Variants in TMEM67 observed in about 807,000 individuals in gnomAD.
TMEM67 encodes transmembrane protein 67, also known as meckelin.
Under a neutral mutation model 136.6 loss-of-function variants are expected in TMEM67, and 124 were observed. The observed-to-expected ratio is 0.91, with a 90% CI of 0.78 to 1.05. TMEM67 has a LOEUF of 1.05. TMEM67 is among the 50% of genes least tolerant of loss of function. The pLI is 0.00. For missense variants in TMEM67, 1,107 were observed against 1,178.4 expected (o/e 0.94, Z 0.89); for synonymous variants, 364 against 390.5 (o/e 0.93, Z 0.80).
intron 9 of TMEM67, among the ~76,000 whole-genome samples, chr8:93,781,297 A>T (rs1813815599): frequency 6.6e-6 from 1 of 152,218 alleles, no homozygotes; most frequent in African/African-American, 2.4e-5. Context: ...CCAAAGATTG[A>T]TTGGGGCTCT....
At chr8:93,793,357 A>C in intron 16 of TMEM67, 61 bp downstream of exon 16, 404 of 1,346,494 alleles carry the variant, frequency 3.0e-4, no homozygotes, top group Non-Finnish European at 3.9e-4. Context: ...GATCCTTCTC[A>C]TAAGACACAG....
chr8:93,818,775 G>A (rs550678968), downstream of TMEM67, among the ~76,000 whole-genome samples: 12 of 152,246 alleles, frequency 7.9e-5, no homozygotes, highest in Admixed American at 6.5e-4. Flanking sequence ...ACCACTTGTT[G>A]TAAGGATTAG....
intron 2 of TMEM67, 34 bp downstream of exon 2, chr8:93,755,900 T>A: frequency 8.9e-7 from 1 of 1,128,094 alleles, no homozygotes. Flanking sequence ...AACTTACCTG[T>A]AAAAAGTAGT....
In TMEM67 at chr8:93,797,215, G is replaced by T. The variant is rs764882441; in HGVS notation, c.1942G>T (p.Val648Phe). The T allele has an allele frequency of 3.1e-6, 5 of 1,612,934 alleles. No individual in the cohort carries two copies. The Admixed American group carries it at 8.3e-5, about 27-fold the overall frequency. Residue 648 changes from valine (V) to phenylalanine (F), a missense_variant, in exon 19 of 28, where the codon GTT (valine) becomes TTT (phenylalanine). Coordinates refer to ENST00000453321, the MANE Select transcript of TMEM67 (RefSeq NM_153704.6). Reference protein sequence around the residue: ...FIDWERPKGKVLKAVEGEGGV... With the variant: ...FIDWERPKGKFLKAVEGEGGV... The stretch of plus-strand genomic sequence containing the variant: ...TGATTGGGAGCGACCTAAAGGAAAG[G>T]TTCTTAAAGCTGTTGAAGGTAACTG...
intron 11 of TMEM67, 148 bp from the exon 12 acceptor site, chr8:93,785,074 A>T (rs573569051): frequency 3.1e-6 from 2 of 638,320 alleles, no homozygotes; most frequent in East Asian, 5.3e-5. Flanking sequence ...ACAAGGTAGT[A>T]TAAAGACATT....
rs528087809 is a variant in TMEM67 at position 93,810,490 on chromosome 8, G to A, written c.2764+603G>A. ...AGTTACTTGGGAGGCTGAGGCAGGA[G>A]AATGGCTTGAACCTGGGAGGCAGAG... On this transcript the variant is annotated intron_variant, in intron 26 of 27. Coordinates refer to ENST00000453321, the MANE Select transcript of TMEM67 (RefSeq NM_153704.6). 2.0e-5 allele frequency among the ~76,000 whole-genome samples: 3 copies of A among 152,124 alleles called. No individual in the cohort carries two copies. In the East Asian group the frequency reaches 5.9e-4, roughly 30 times the overall value.
chr8:93,832,197 G>A, the TMEM67 span, among the ~76,000 whole-genome samples: 1 of 152,184 alleles, frequency 6.6e-6, no homozygotes, highest in Admixed American at 6.5e-5. Flanking sequence ...AGAAGGAGGA[G>A]CTCAGTGAGA....
At chr8:93,772,557 C>T (rs778789032) in intron 6 of TMEM67, 32 bp from the exon 7 acceptor site, 1 of 1,567,838 alleles carries the variant, frequency 6.4e-7, no homozygotes, top group Non-Finnish European at 8.8e-7. Context: ...GTCATTTGAA[C>T]TTAAAAATAA....
chr8:93,807,175 A>C lies in TMEM67; in HGVS notation c.2440-1665A>C, dbSNP rs542611469. 3.3e-5 allele frequency among the ~76,000 whole-genome samples: 5 copies of C among 152,276 alleles called. No homozygotes were observed. In the South Asian group the frequency reaches 1.0e-3, roughly 32 times the overall value. On this transcript the variant is annotated intron_variant, in intron 23 of 27. Coordinates refer to ENST00000453321, the MANE Select transcript of TMEM67 (RefSeq NM_153704.6). ...CAGTGAAATGGGCAACCACAAAGCT[A>C]CTGGTGGCAGGTTGAATTTATGCAG...
chr8:93,802,110 A>T (rs554100022), intron 21 of TMEM67, among the ~76,000 whole-genome samples: 1 of 152,326 alleles, frequency 6.6e-6, no homozygotes, highest in East Asian at 1.9e-4. Context: ...TTCCCATGAA[A>T]AAGATAAGCA....
intron 21 of TMEM67, among the ~76,000 whole-genome samples, chr8:93,800,907 C>A (rs939039961): frequency 6.6e-6 from 1 of 151,476 alleles, no homozygotes. Flanking sequence ...TGCTCGTACC[C>A]CTTGTGGAGT....
At chr8:93,773,290 G>A (rs1024832911) in intron 7 of TMEM67, among the ~76,000 whole-genome samples, 2 of 152,184 alleles carry the variant, frequency 1.3e-5, no homozygotes, top group African/African-American at 4.8e-5. Context: ...AGTGAGCAGG[G>A]AAAGTGGAGT....
At chr8:93,814,341 G>A (rs1447458435) in intron 26 of TMEM67, among the ~76,000 whole-genome samples, 9 of 150,832 alleles carry the variant, frequency 6.0e-5, no homozygotes, top group East Asian at 2.0e-4. Context: ...GGGTTTCACC[G>A]TGTTAGCCAG....
chr8:93,815,184 T>C (rs1189554707), intron 26 of TMEM67, 121 bp from the exon 27 acceptor site: 2 of 633,158 alleles, frequency 3.2e-6, no homozygotes, highest in Non-Finnish European at 5.3e-6. Flanking sequence ...CCATGAAGTA[T>C]TGTATACAGT....
At position 93,815,367 on chromosome 8, in the gene TMEM67, G is replaced by T. The variant is rs2130799791; in HGVS notation, c.2827G>T (p.Asp943Tyr). 3 of 1,611,706 alleles carry T rather than the reference G, an allele frequency of 1.9e-6. No individual in the cohort carries two copies. The highest frequency in any genetic ancestry group is 2.5e-6 in the Non-Finnish European group (3 of 1,178,614). ...AAATGAAGCTACTCTTCTTATTTTT[G>T]ATCTGCTGTTCTTCTGTGTTGTGGA... Reference protein sequence around the residue: ...YGNEATLLIFDLLFFCVVDLA... With the variant: ...YGNEATLLIFYLLFFCVVDLA... Residue 943 changes from aspartate (D) to tyrosine (Y), a missense_variant, in exon 27 of 28, where the codon GAT becomes TAT. Transcript: ENST00000453321.
Position 93,782,360 on chromosome 8 carries a change from T to C in TMEM67, c.1066-35T>C, listed in dbSNP as rs912576881. On this transcript the variant is annotated intron_variant, in intron 10 of 27. Coordinates refer to ENST00000453321, the MANE Select transcript of TMEM67 (RefSeq NM_153704.6). ...TCTTGAGTATAAGAATAGAAAACAT[T>C]TGTGAGATTTATCTGTTGTATTATT... 4 of 1,542,260 alleles carry C rather than the reference T, an allele frequency of 2.6e-6. No individual in the cohort carries two copies. The Admixed American group carries it at 6.7e-5, about 26-fold the overall frequency.
At chr8:93,781,134 G>T in intron 9 of TMEM67, 152 bp downstream of exon 9, 1 of 651,038 alleles carries the variant, frequency 1.5e-6, no homozygotes, top group Non-Finnish European at 2.7e-6. Context: ...GAACTAAATA[G>T]TATAGAGTTT....
At chr8:93,818,977 A>G (rs1563488824), downstream of TMEM67, 2 of 403,886 alleles carry the variant, frequency 5.0e-6, no homozygotes, top group Admixed American at 3.5e-5. Context: ...AATTTTTTGT[A>G]TTTTTTTTGT....
At chr8:93,828,667 C>T in the TMEM67 span, among the ~76,000 whole-genome samples, 1 of 151,590 alleles carries the variant, frequency 6.6e-6, no homozygotes, top group Non-Finnish European at 1.5e-5. Context: ...ATCGCTTGAA[C>T]CTGGGAGGCA....
Sources: allele counts gnomAD v4.1 joint callset (sites outside exome capture counted in the v4.1 genomes callset), GRCh38; gene constraint gnomAD v4.1.1; transcripts MANE v1.5; gene names NCBI Gene and HGNC (gene_info 2026-07-23, HGNC 2026-07-21).